Variants in CMIP observed in about 807,000 individuals in gnomAD.
CMIP encodes c-Maf inducing protein.
Under a neutral mutation model 97.3 loss-of-function variants are expected in CMIP, and 13 were observed. The observed-to-expected ratio is 0.13, with a 90% CI of 0.09 to 0.21. CMIP has a LOEUF of 0.21. Among genes scored for constraint, CMIP ranks in the 10% least tolerant of loss-of-function variants. The probability of loss-of-function intolerance (pLI) is 1.00; values close to 1 mark genes in which losing one functional copy is unlikely to be tolerated. For synonymous variants in CMIP, 538 were observed against 436.3 expected (o/e 1.23, Z -2.91); for missense variants, 847 against 1,024.9 (o/e 0.83, Z 2.37).
At chr16:81,667,158 A>G (rs2092613107) in intron 7 of CMIP, 1 of 152,254 alleles carries the variant, frequency 6.6e-6, no homozygotes, top group Non-Finnish European at 1.5e-5. Flanking sequence ...GGGCTCCCCC[A>G]TTCTGGGTGC....
intron 1 of CMIP, among the ~76,000 whole-genome samples, chr16:81,549,954 A>G (rs145154591): frequency 5.3e-5 from 8 of 152,328 alleles, no homozygotes; most frequent in African/African-American, 1.9e-4. Flanking sequence ...GTATGTGCAC[A>G]CAAGCCTGTG....
intron 1 of CMIP, among the ~76,000 whole-genome samples, chr16:81,536,727 G>A (rs1443127908): frequency 6.6e-6 from 1 of 152,104 alleles, no homozygotes; most frequent in Non-Finnish European, 1.5e-5. Context: ...TCATTTTTCA[G>A]ATGAGGAAAC....
At chr16:81,584,440 A>G (rs2091347397) in intron 1 of CMIP, among the ~76,000 whole-genome samples, 1 of 152,208 alleles carries the variant, frequency 6.6e-6, no homozygotes, top group Non-Finnish European at 1.5e-5. Context: ...AGCTGAGTGT[A>G]AGGCCATGTT....
chr16:81,675,604 TC>T (rs1445986787), intron 9 of CMIP, among the ~76,000 whole-genome samples: 1 of 152,162 alleles, frequency 6.6e-6, no homozygotes, highest in Non-Finnish European at 1.5e-5. Context: ...CTGCAACATT[TC>T]TGGGGTATGG....
In CMIP at chr16:81,664,249, G is replaced by C; in HGVS notation, c.745-20G>C. The C allele has an allele frequency of 6.3e-7, 1 of 1,582,524 alleles. No individual in the cohort carries two copies. The highest frequency in any genetic ancestry group is 8.6e-7 in the Non-Finnish European group (1 of 1,164,922). On this transcript the variant is annotated intron_variant, in intron 6 of 20. Transcript: ENST00000537098. The stretch of plus-strand genomic sequence containing the variant: ...GAACATTCTTAGGGCCGCAGTAACT[G>C]TACCCCACTCTGTCCCCAGCACTGC...
At chr16:81,573,346 AAAAT>A (rs2091130340) in intron 1 of CMIP, among the ~76,000 whole-genome samples, 2 of 152,136 alleles carry the variant, frequency 1.3e-5, no homozygotes, top group Non-Finnish European at 2.9e-5. Context: ...TCCATCTCAA[AAAAT>A]AAAAAAAAAA....
At chr16:81,451,901 G>C (rs1267916624) in intron 1 of CMIP, among the ~76,000 whole-genome samples, 4 of 152,218 alleles carry the variant, frequency 2.6e-5, no homozygotes, top group African/African-American at 9.7e-5. Flanking sequence ...CCTGGCTCTG[G>C]TGATGAACCA....
At position 81,692,038 on chromosome 16, in the gene CMIP, G is replaced by A. The variant is rs531501859; in HGVS notation, c.1454+198G>A. On this transcript the variant is annotated intron_variant, in intron 11 of 20. Transcript: ENST00000537098. ...AGGCACATCTTCCCTCAGAAAAATG[G>A]GGAACTCAGGAGAACAGGGACATTG... Among the ~76,000 whole-genome samples the A allele has an allele frequency of 3.3e-5, 5 of 152,240 alleles. No individual in the cohort carries two copies. In the South Asian group the frequency reaches 1.0e-3, roughly 32 times the overall value.
chr16:81,579,746 A>G (rs2091263804), intron 1 of CMIP, among the ~76,000 whole-genome samples: 1 of 152,194 alleles, frequency 6.6e-6, no homozygotes, highest in African/African-American at 2.4e-5. Context: ...CGAGGTCAGG[A>G]GATCGAGACC....
intron 1 of CMIP, among the ~76,000 whole-genome samples, chr16:81,587,929 C>T (rs1203500590): frequency 1.3e-5 from 2 of 152,192 alleles, no homozygotes; most frequent in African/African-American, 4.8e-5. Flanking sequence ...ATCCTGGAAA[C>T]CCTCCATGGA....
At chr16:81,481,102 A>G (rs1343402512) in intron 1 of CMIP, among the ~76,000 whole-genome samples, 1 of 152,030 alleles carries the variant, frequency 6.6e-6, no homozygotes, top group Admixed American at 6.6e-5. Context: ...TGTCCCTCCT[A>G]TTTGCGTTTG....
At chr16:81,456,692 C>A (rs1038444959) in intron 1 of CMIP, among the ~76,000 whole-genome samples, 62 of 152,300 alleles carry the variant, frequency 4.1e-4, no homozygotes, top group African/African-American at 1.3e-3. Context: ...GAGGATTTGA[C>A]CCCAGGCTGT....
intron 1 of CMIP, among the ~76,000 whole-genome samples, chr16:81,606,611 T>C (rs543387082): frequency 1.2e-4 from 19 of 152,120 alleles, no homozygotes; most frequent in Non-Finnish European, 1.9e-4. Context: ...TTTCAACACA[T>C]GCTATTGAGC....
intron 1 of CMIP, among the ~76,000 whole-genome samples, chr16:81,567,930 C>T (rs192184855): frequency 2.4e-4 from 36 of 152,034 alleles, no homozygotes; most frequent in Non-Finnish European, 4.6e-4. Context: ...TTTCATTCTC[C>T]AGGCTTTATT....
intron 1 of CMIP, among the ~76,000 whole-genome samples, chr16:81,499,441 C>T (rs2089554838): frequency 6.6e-6 from 1 of 152,226 alleles, no homozygotes; most frequent in South Asian, 2.1e-4. Flanking sequence ...CTCCCAAGTG[C>T]CCAGTTCGGG....
At chr16:81,536,217 G>T (rs1045115348) in intron 1 of CMIP, among the ~76,000 whole-genome samples, 1 of 152,204 alleles carries the variant, frequency 6.6e-6, no homozygotes, top group Non-Finnish European at 1.5e-5. Flanking sequence ...AAGGCTTCCA[G>T]CTTGCTGAGG....
intron 2 of CMIP, among the ~76,000 whole-genome samples, chr16:81,615,120 GGT>G (rs761451662): frequency 2.7e-5 from 4 of 150,518 alleles, no homozygotes; most frequent in African/African-American, 9.8e-5. Context: ...ATGTGTCTGT[GGT>G]GTGTGTGTAT....
intron 1 of CMIP, among the ~76,000 whole-genome samples, chr16:81,537,426 T>C (rs1278830205): frequency 6.6e-6 from 1 of 150,930 alleles, no homozygotes; most frequent in African/African-American, 2.4e-5. Context: ...TTGCAGCCAC[T>C]TGGGAGGCTG....
Position 81,445,651 on chromosome 16 carries a change from G to C in CMIP, c.300+110G>C. Reference sequence around the variant, plus strand: ...GGAGCCCAGGGCCTGGGGGGCGGTGGGGGGTGCCGGGGGAACGGGGAGAAC... The same window carrying C: ...GGAGCCCAGGGCCTGGGGGGCGGTGCGGGGTGCCGGGGGAACGGGGAGAAC... On this transcript the variant is annotated intron_variant, in intron 1 of 20. Coordinates refer to ENST00000537098, the MANE Select transcript of CMIP (RefSeq NM_198390.3). 3 of 1,194,828 alleles carry C rather than the reference G, an allele frequency of 2.5e-6. No homozygotes were observed. In the African/African-American group the frequency reaches 4.6e-5, roughly 18 times the overall value. 74.0% of individuals were successfully genotyped at this position (1,194,828 alleles called of 1,614,324 possible). A position where few individuals can be genotyped will look rare whatever the true frequency, so the allele number is the denominator to read the frequency against.
Sources: gnomAD v4.1 joint callset for allele counts (sites outside exome capture counted in the v4.1 genomes callset) on GRCh38, gnomAD v4.1.1 for gene constraint, MANE v1.5 for transcripts, NCBI Gene and HGNC (gene_info 2026-07-23, HGNC 2026-07-21) for gene names.